SNX25: variants seen among roughly 807,000 people sequenced by gnomAD.
SNX25 encodes sorting nexin-25.
SNX25 carries 62 observed loss-of-function variants against 113.7 expected under a neutral mutation model. That is an observed-to-expected ratio of 0.55 (90% confidence interval 0.44 to 0.67). The LOEUF (loss-of-function observed/expected upper bound fraction) is 0.67. SNX25 is among the 30% of genes least tolerant of loss of function. SNX25 has a pLI of 0.00. For missense variants in SNX25, 1,014 were observed against 1,161.0 expected (o/e 0.87, Z 1.84); for synonymous variants, 421 against 436.2 (o/e 0.97, Z 0.43).
intron 6 of SNX25, among the ~76,000 whole-genome samples, chr4:185,290,108 T>C (rs143933434): frequency 1.3e-5 from 2 of 152,278 alleles, no homozygotes; most frequent in African/African-American, 4.8e-5. Context: ...AGGATGCCAG[T>C]CATACTGCAC....
chr4:185,315,184 T>C (rs1213314570), intron 7 of SNX25, among the ~76,000 whole-genome samples: 3 of 149,162 alleles, frequency 2.0e-5, no homozygotes, highest in Non-Finnish European at 3.0e-5. Flanking sequence ...GCCGAGATTG[T>C]GCCACTGCAC....
chr4:185,243,139 G>T (rs1744316632), intron 1 of SNX25, among the ~76,000 whole-genome samples: 1 of 152,136 alleles, frequency 6.6e-6, no homozygotes, highest in African/African-American at 2.4e-5. Flanking sequence ...AGCTAAAATA[G>T]AAAACATTAT....
At chr4:185,348,682 C>T (rs190893512) in intron 13 of SNX25, among the ~76,000 whole-genome samples, 18 of 152,302 alleles carry the variant, frequency 1.2e-4, no homozygotes, top group Admixed American at 1.1e-3. Context: ...CAGGTGTGCG[C>T]CACTGTGCCC....
chr4:185,259,369 G>C (rs1042630923), intron 3 of SNX25, among the ~76,000 whole-genome samples: 4 of 152,058 alleles, frequency 2.6e-5, no homozygotes, highest in Admixed American at 2.6e-4. Flanking sequence ...TAAATGTAGT[G>C]TTTTCTAATA....
In SNX25 at chr4:185,332,588, C is replaced by T. The variant is rs754857902; in HGVS notation, c.1750-7C>T. On this transcript the variant is annotated splice_region_variant and splice_polypyrimidine_tract_variant and intron_variant, in intron 9 of 18. Coordinates refer to ENST00000652585, the MANE Select transcript of SNX25 (RefSeq NM_001378034.2). The stretch of plus-strand genomic sequence containing the variant: ...TAAGATATGGTGGTATGTGACTCTC[C>T]CCCTAGGGCCCAAGAGATGAGGCTG... 6.2e-7 allele frequency: 1 copy of T among 1,602,210 alleles called. No individual in the cohort carries two copies. The highest frequency in any genetic ancestry group is 2.2e-5 in the East Asian group (1 of 44,722).
chr4:185,340,271 A>T (rs554615680), intron 11 of SNX25, among the ~76,000 whole-genome samples: 4 of 152,226 alleles, frequency 2.6e-5, no homozygotes, highest in South Asian at 4.1e-4. Context: ...CAGTGGCTTG[A>T]CACTCTTACA....
intron 1 of SNX25, among the ~76,000 whole-genome samples, chr4:185,216,721 A>G (rs1005206353): frequency 2.0e-5 from 3 of 151,918 alleles, no homozygotes; most frequent in Non-Finnish European, 4.4e-5. Flanking sequence ...GGGTTTCGCC[A>G]TGTTAGCCAG....
chr4:185,316,383 A>G (rs969825545), intron 7 of SNX25, among the ~76,000 whole-genome samples: 3 of 152,226 alleles, frequency 2.0e-5, no homozygotes, highest in Non-Finnish European at 2.9e-5. Context: ...CAGAACTGGA[A>G]AGTCGCAGAG....
intron 1 of SNX25, among the ~76,000 whole-genome samples, chr4:185,239,238 T>G (rs890984272): frequency 2.2e-5 from 3 of 139,180 alleles, no homozygotes; most frequent in Non-Finnish European, 4.7e-5. Flanking sequence ...TCCCAGCACT[T>G]TGGGAGGCCA....
intron 1 of SNX25, among the ~76,000 whole-genome samples, chr4:185,220,376 C>T (rs1739592980): frequency 6.6e-6 from 1 of 151,996 alleles, no homozygotes; most frequent in Non-Finnish European, 1.5e-5. Context: ...TGGTGTGCTG[C>T]ACCCATTAAC....
At chr4:185,362,219 A>G in intron 17 of SNX25, 114 bp downstream of exon 17, 1 of 1,413,020 alleles carries the variant, frequency 7.1e-7, no homozygotes, top group Non-Finnish European at 9.2e-7. Flanking sequence ...GAAAAAAAAA[A>G]GGATCATACT....
chr4:185,294,084 C>G (rs1752537455), intron 6 of SNX25, among the ~76,000 whole-genome samples: 1 of 152,094 alleles, frequency 6.6e-6, no homozygotes, highest in Admixed American at 6.6e-5. Flanking sequence ...ACAAAGGATC[C>G]AAGAGAATGA....
At chr4:185,225,528 G>A (rs982498048) in intron 1 of SNX25, among the ~76,000 whole-genome samples, 1 of 152,178 alleles carries the variant, frequency 6.6e-6, no homozygotes, top group African/African-American at 2.4e-5. Flanking sequence ...TTGTTAATGG[G>A]TTCAGGGAAA....
At chr4:185,369,943 T>G (rs141013566) in exon 12 of SNX25, 4 of 289,170 alleles carry the variant, frequency 1.4e-5, no homozygotes, top group Non-Finnish European at 2.7e-5. Context: ...ACAATCTGTG[T>G]TCCACAAACA....
downstream of SNX25, chr4:185,366,906 G>A (rs1253801224): frequency 4.1e-5 from 11 of 268,046 alleles, no homozygotes; most frequent in Non-Finnish European, 7.0e-5. Flanking sequence ...GATACTTGCT[G>A]TATAGAATGG....
intron 3 of SNX25, among the ~76,000 whole-genome samples, chr4:185,261,911 G>T (rs1361179819): frequency 6.6e-6 from 1 of 152,228 alleles, no homozygotes; most frequent in Non-Finnish European, 1.5e-5. Flanking sequence ...ATAGATGATT[G>T]TGTCCTGGAG....
intron 5 of SNX25, among the ~76,000 whole-genome samples, chr4:185,278,666 G>T (rs948030672): frequency 5.3e-5 from 8 of 152,066 alleles, no homozygotes; most frequent in Non-Finnish European, 1.2e-4. Context: ...TTCAGAAAAA[G>T]TTCACTCAAA....
intron 15 of SNX25, among the ~76,000 whole-genome samples, chr4:185,354,522 G>C (rs1343242305): frequency 6.6e-6 from 1 of 152,136 alleles, no homozygotes; most frequent in Non-Finnish European, 1.5e-5. Flanking sequence ...ACAGCCCCGC[G>C]GCAGAGTTGT....
At chr4:185,222,303 A>G (rs1323212331) in intron 1 of SNX25, among the ~76,000 whole-genome samples, 1 of 144,144 alleles carries the variant, frequency 6.9e-6, no homozygotes, top group African/African-American at 2.6e-5. Context: ...AGCACCATAT[A>G]CTCCTCGTTC....
Sources: allele counts gnomAD v4.1 joint callset (sites outside exome capture counted in the v4.1 genomes callset), GRCh38; gene constraint gnomAD v4.1.1; transcripts MANE v1.5; gene names NCBI Gene and HGNC (gene_info 2026-07-23, HGNC 2026-07-21).